The following C21orf91 variants were observed in gnomAD, a reference collection of about 807,000 sequenced individuals.
C21orf91 encodes chromosome 21 open reading frame 91.
Under a neutral mutation model 32.9 loss-of-function variants are expected in C21orf91, and 26 were observed. The observed-to-expected ratio is 0.79, with a 90% confidence interval of 0.58 to 1.10. The LOEUF (loss-of-function observed/expected upper bound fraction) is 1.10, where lower values mean the gene tolerates loss of function less well. Ranked by LOEUF, C21orf91 falls within the 50% of genes least tolerant of loss-of-function variation. The probability of loss-of-function intolerance (pLI) is 0.00; values close to 1 mark genes in which losing one functional copy is unlikely to be tolerated. For missense variants in C21orf91, 310 were observed against 341.3 expected, an observed-to-expected ratio of 0.91 and a Z score of 0.72; for synonymous variants, 126 against 120.4, an observed-to-expected ratio of 1.05 and a Z score of -0.31.
At chr21:17,803,469 C>T (rs1251008532) in intron 2 of C21orf91, among the ~76,000 whole-genome samples, 1 of 152,066 alleles carries the variant, frequency 6.6e-6, no homozygotes, top group Admixed American at 6.5e-5. Flanking sequence ...CACGACTGCG[C>T]CTCTACACTC....
At chr21:17,805,003 TCTA>T (rs1410020545) in intron 2 of C21orf91, among the ~76,000 whole-genome samples, 1 of 152,200 alleles carries the variant, frequency 6.6e-6, no homozygotes, top group African/African-American at 2.4e-5. Flanking sequence ...CAAACTCAAT[TCTA>T]CTCCTTAATG....
At chr21:17,807,303 T>C (rs2062603573) in intron 2 of C21orf91, among the ~76,000 whole-genome samples, 1 of 152,112 alleles carries the variant, frequency 6.6e-6, no homozygotes, top group African/African-American at 2.4e-5. Context: ...ACCTCCCCCT[T>C]CTCTCACCAT....
At chr21:17,809,247 G>A (rs1029427707) in intron 2 of C21orf91, among the ~76,000 whole-genome samples, 2 of 152,150 alleles carry the variant, frequency 1.3e-5, no homozygotes, top group Non-Finnish European at 2.9e-5. Flanking sequence ...AATTAACATG[G>A]TCAAAATTAT....
intron 4 of C21orf91, among the ~76,000 whole-genome samples, chr21:17,794,719 G>C (rs2062505146): frequency 6.6e-6 from 1 of 152,174 alleles, no homozygotes; most frequent in Non-Finnish European, 1.5e-5. Context: ...TGGTGCAATA[G>C]TGGGTAGTCA....
At chr21:17,813,165 A>C (rs1190961973) in intron 2 of C21orf91, among the ~76,000 whole-genome samples, 1 of 152,236 alleles carries the variant, frequency 6.6e-6, no homozygotes, top group African/African-American at 2.4e-5. Flanking sequence ...GCCAGATTGA[A>C]TTAGCTCTTT....
In C21orf91 at chr21:17,791,359, C is replaced by T. The variant is rs541409403; in HGVS notation, c.*2056G>A. 5.3e-5 allele frequency: 8 copies of T among 152,242 alleles called. No individual in the cohort carries two copies. Among genetic ancestry groups the T allele is most frequent in the African/African-American group, 1.9e-4 (8 of 41,544 alleles). The allele number at this position is 152,242 out of a possible 1,614,324, so 9.4% of individuals were successfully genotyped here. ...CCCACTTAAGACCTTAGCACATGCA[C>T]ACGTTCATCCACTTGTTCCGTACTC... On this transcript the variant is annotated 3_prime_UTR_variant, in exon 5 of 5. Transcript: ENST00000284881.
At chr21:17,794,313 G>A (rs2062501436) in intron 4 of C21orf91, among the ~76,000 whole-genome samples, 1 of 152,286 alleles carries the variant, frequency 6.6e-6, no homozygotes, top group African/African-American at 2.4e-5. Flanking sequence ...GGAGACAACT[G>A]CGGAATCTGA....
chr21:17,814,145 G>T (rs1403392151), intron 2 of C21orf91, among the ~76,000 whole-genome samples: 3 of 152,242 alleles, frequency 2.0e-5, no homozygotes, highest in East Asian at 3.9e-4. Context: ...TGAAACCCTG[G>T]ATCTCTTCCT....
rs562034538 is a variant in C21orf91 at position 17,791,210 on chromosome 21, GTTT to G, written c.*2202_*2204del. 2.0e-5 allele frequency: 3 copies of G among 151,912 alleles called. No homozygotes were observed. Among genetic ancestry groups the G allele is most frequent in the Admixed American group, 1.3e-4 (2 of 15,252 alleles). 9.4% of individuals were successfully genotyped at this position (151,912 alleles called of 1,614,324 possible). ...GCTGTGCAAAATACTTCAACAAAAA[GTTT>G]TTTTTACTAGGAACTCATCCAAATA... is the stretch of plus-strand genomic sequence containing the variant. On this transcript the variant is annotated 3_prime_UTR_variant, in exon 5 of 5. Coordinates refer to ENST00000284881, the MANE Select transcript of C21orf91 (RefSeq NM_001100420.2).
chr21:17,797,709 A>G (rs2062530289), intron 2 of C21orf91, among the ~76,000 whole-genome samples: 1 of 151,956 alleles, frequency 6.6e-6, no homozygotes, highest in Non-Finnish European at 1.5e-5. Flanking sequence ...TAGTTACTAA[A>G]ACCTTATCAA....
At chr21:17,800,703 T>C (rs575946720) in intron 2 of C21orf91, among the ~76,000 whole-genome samples, 27 of 152,320 alleles carry the variant, frequency 1.8e-4, no homozygotes, top group African/African-American at 4.8e-4. Context: ...CCAACCAAGA[T>C]TGTACTACAA....
intron 2 of C21orf91, among the ~76,000 whole-genome samples, chr21:17,815,364 A>G (rs2062658599): frequency 6.6e-6 from 1 of 152,148 alleles, no homozygotes; most frequent in Admixed American, 6.5e-5. Context: ...AGGCAACTGC[A>G]ATACTACCAA....
At chr21:17,805,467 C>T (rs557643821) in intron 2 of C21orf91, among the ~76,000 whole-genome samples, 6 of 152,270 alleles carry the variant, frequency 3.9e-5, no homozygotes, top group East Asian at 1.9e-4. Flanking sequence ...GCGCCTACCA[C>T]CACACCTGGG....
Position 17,801,060 on chromosome 21 carries a change from A to C in C21orf91, c.128-3942T>G, listed in dbSNP as rs375696393. On this transcript the variant is annotated intron_variant, in intron 2 of 4. Coordinates refer to ENST00000284881, the MANE Select transcript of C21orf91 (RefSeq NM_001100420.2). ...CAATCTCATTACTGGGTATATACCCAAAGGATTAAAAATCATTCTACTATA... is the reference window on the plus strand; with the variant it reads ...CAATCTCATTACTGGGTATATACCCCAAGGATTAAAAATCATTCTACTATA... Among the ~76,000 whole-genome samples, 12 of 152,282 alleles carry C rather than the reference A, an allele frequency of 7.9e-5. No individual in the cohort carries two copies. The South Asian group carries it at 8.3e-4, about 11-fold the overall frequency.
At chr21:17,812,063 T>C (rs1024947630) in intron 2 of C21orf91, among the ~76,000 whole-genome samples, 3 of 152,084 alleles carry the variant, frequency 2.0e-5, no homozygotes, top group Admixed American at 6.5e-5. Flanking sequence ...CTACCATCAA[T>C]AGGACAGGTA....
intron 2 of C21orf91, among the ~76,000 whole-genome samples, chr21:17,803,108 G>C (rs1392037027): frequency 6.6e-6 from 1 of 152,220 alleles, no homozygotes; most frequent in African/African-American, 2.4e-5. Flanking sequence ...CTTTCTTGAT[G>C]TTTAAATAAG....
chr21:17,806,837 T>C (rs1163322057), intron 2 of C21orf91, among the ~76,000 whole-genome samples: 1 of 151,394 alleles, frequency 6.6e-6, no homozygotes, highest in Non-Finnish European at 1.5e-5. Context: ...GACACTGCAC[T>C]CCAGCCCAGG....
At chr21:17,796,118 G>C (rs2062515813) in intron 3 of C21orf91, among the ~76,000 whole-genome samples, 1 of 152,300 alleles carries the variant, frequency 6.6e-6, no homozygotes, top group Admixed American at 6.5e-5. Context: ...TGTAGAAATA[G>C]ATGTAGAGAG....
chr21:17,793,490 C>T lies in C21orf91; in HGVS notation c.819G>A (p.Leu273=), dbSNP rs1455334577. 6.2e-6 allele frequency: 10 copies of T among 1,613,064 alleles called. No individual in the cohort carries two copies. Among genetic ancestry groups the T allele is most frequent in the Non-Finnish European group, 8.5e-6 (10 of 1,179,352 alleles). The change falls in exon 5 of 5, where the codon CTG becomes CTA. Residue 273 remains leucine (L), a synonymous_variant. Coordinates refer to ENST00000284881, the MANE Select transcript of C21orf91 (RefSeq NM_001100420.2). Reference sequence around the variant, plus strand: ...GACATGGTAACTTAGAACAGTTCTTCAGAAGCTGTTCGATGGCAACGTGGC... The same window carrying T: ...GACATGGTAACTTAGAACAGTTCTTTAGAAGCTGTTCGATGGCAACGTGGC... ...HVRHVAIEQL[L]KNCSKLPCLQ...
Sources: allele counts gnomAD v4.1 joint callset (sites outside exome capture counted in the v4.1 genomes callset), GRCh38; gene constraint gnomAD v4.1.1; transcripts MANE v1.5; gene names NCBI Gene and HGNC (gene_info 2026-07-23, HGNC 2026-07-21).